NDUFA5: variants seen among roughly 807,000 people sequenced by gnomAD.
The protein encoded by NDUFA5 is NADH:ubiquinone oxidoreductase subunit A5.
Under a neutral mutation model 19.8 loss-of-function variants are expected in NDUFA5, and 11 were observed. The ratio of observed to expected loss-of-function variants is 0.56; its 90% CI spans 0.35 to 0.92. The LOEUF is 0.92. Ranked by LOEUF, NDUFA5 falls within the 40% of genes least tolerant of loss-of-function variation. NDUFA5 has a pLI of 0.01. For synonymous variants in NDUFA5, 47 were observed against 46.8 expected, an observed-to-expected ratio of 1.00 and a Z score of -0.01; for missense variants, 109 against 134.2, an observed-to-expected ratio of 0.81 and a Z score of 0.93.
At position 123,546,019 on chromosome 7, in the gene NDUFA5, T is replaced by C. The variant is rs148293527; in HGVS notation, c.184-343A>G. On this transcript the variant is annotated intron_variant, in intron 3 of 4. Transcript: ENST00000355749. Reference sequence around the variant, plus strand: ...CATTAGAATTAGAAATAAATGCTACTCTATGACCCAGAAATTACACTTCTA... The same window carrying C: ...CATTAGAATTAGAAATAAATGCTACCCTATGACCCAGAAATTACACTTCTA... Among the ~76,000 whole-genome samples, 569 of 152,202 alleles carry C rather than the reference T, an allele frequency of 3.7e-3. 8 individuals are homozygous for C. The highest frequency in any genetic ancestry group is 0.012 in the Admixed American group (183 of 15,274).
chr7:123,557,808 G>C lies in NDUFA5; in HGVS notation c.-13C>G. 1 of 1,614,004 alleles carries C rather than the reference G, an allele frequency of 6.2e-7. No homozygotes were observed. Among genetic ancestry groups the C allele is most frequent in the Non-Finnish European group, 8.5e-7 (1 of 1,180,018 alleles). ...GCACACCCGCCATGACAGCGCCAAC[G>C]ACTCGGTGACGCACAACCCTTTGGG... On this transcript the variant is annotated 5_prime_UTR_variant, in exon 1 of 5. Transcript: ENST00000355749.
the NDUFA5 span, among the ~76,000 whole-genome samples, chr7:123,588,257 G>A: frequency 1.3e-5 from 2 of 151,688 alleles, no homozygotes; most frequent in African/African-American, 2.4e-5. Flanking sequence ...TTCAGTCTTG[G>A]TAGGTTGTAG....
At chr7:123,557,950 T>G (rs1798627983), upstream of NDUFA5, 5 of 1,316,202 alleles carry the variant, frequency 3.8e-6, no homozygotes, top group African/African-American at 7.4e-5. Flanking sequence ...CCCGCCCATC[T>G]TAAAAGAGAA....
chr7:123,557,985 T>A, upstream of NDUFA5: 1 of 884,684 alleles, frequency 1.1e-6, no homozygotes, highest in Non-Finnish European at 1.7e-6. Context: ...GCGATGGGCA[T>A]ACAAGCCTAA....
intron 4 of NDUFA5, among the ~76,000 whole-genome samples, chr7:123,545,402 T>TA (rs1190900178): frequency 1.3e-5 from 2 of 152,232 alleles, no homozygotes; most frequent in East Asian, 3.9e-4. Context: ...TCCAGGCTTC[T>TA]AACAGAAGTC....
At chr7:123,589,036 T>C in the NDUFA5 span, among the ~76,000 whole-genome samples, 3 of 151,898 alleles carry the variant, frequency 2.0e-5, no homozygotes, top group African/African-American at 7.2e-5. Context: ...TGTATTCTTC[T>C]ATGTAATGTT....
chr7:123,586,490 T>A, the NDUFA5 span, among the ~76,000 whole-genome samples: 1 of 151,790 alleles, frequency 6.6e-6, no homozygotes, highest in Non-Finnish European at 1.5e-5. Context: ...TTTGTAAATA[T>A]TTTCTCCCTT....
chr7:123,594,031 A>G, the NDUFA5 span, among the ~76,000 whole-genome samples: 419 of 151,962 alleles, frequency 2.8e-3, 2 homozygotes, highest in Non-Finnish European at 4.3e-3. Context: ...CACTAATTTG[A>G]TCATCAATCA....
the NDUFA5 span, among the ~76,000 whole-genome samples, chr7:123,595,789 C>T: frequency 1.3e-5 from 2 of 152,104 alleles, no homozygotes; most frequent in Non-Finnish European, 2.9e-5. Flanking sequence ...CTATCATTTC[C>T]CACCCAAAGC....
At chr7:123,573,238 C>T in the NDUFA5 span, among the ~76,000 whole-genome samples, 3 of 150,700 alleles carry the variant, frequency 2.0e-5, no homozygotes, top group Non-Finnish European at 4.4e-5. Flanking sequence ...TATTTTATCA[C>T]CAAGCTTCCC....
chr7:123,560,969 GAAAT>G (rs886526778), upstream of NDUFA5, among the ~76,000 whole-genome samples: 6 of 152,036 alleles, frequency 3.9e-5, no homozygotes, highest in African/African-American at 1.2e-4. Context: ...GCATCAAAAA[GAAAT>G]AAATCTAACA....
At position 123,537,504 on chromosome 7, in the gene NDUFA5, A is replaced by G. The variant is rs565830782; in HGVS notation, c.*4615T>C. ...AAGACAGATGTGTTTGATATTCACA[A>G]TTTTTCAGATTTTTGAAAGGAAATA... On this transcript the variant is annotated 3_prime_UTR_variant, in exon 5 of 5. Coordinates refer to ENST00000355749, the MANE Select transcript of NDUFA5 (RefSeq NM_005000.5). 14 of 152,096 alleles carry G rather than the reference A, an allele frequency of 9.2e-5. No individual in the cohort carries two copies. Among genetic ancestry groups the G allele is most frequent in the Non-Finnish European group, 1.0e-4 (7 of 68,012 alleles). 9.4% of individuals were successfully genotyped at this position (152,096 alleles called of 1,614,324 possible). A position where few individuals can be genotyped will look rare whatever the true frequency, so the allele number is the denominator to read the frequency against.
intron 3 of NDUFA5, among the ~76,000 whole-genome samples, chr7:123,549,719 A>G (rs1247101028): frequency 1.3e-5 from 2 of 152,236 alleles, no homozygotes; most frequent in African/African-American, 4.8e-5. Context: ...TCAAGGCTGC[A>G]GTGAGCTGTG....
the NDUFA5 span, among the ~76,000 whole-genome samples, chr7:123,565,015 G>A: frequency 4.6e-5 from 7 of 151,800 alleles, no homozygotes; most frequent in Non-Finnish European, 1.0e-4. Flanking sequence ...TGCAATTACG[G>A]AAGTTGAAAA....
In NDUFA5 at chr7:123,540,810, C is replaced by G. The variant is rs1797901391; in HGVS notation, c.*1309G>C. The G allele has an allele frequency of 6.6e-6, 1 of 151,594 alleles. No homozygotes were observed. The highest frequency in any genetic ancestry group is 1.5e-5 in the Non-Finnish European group (1 of 67,966). 9.4% of individuals were successfully genotyped at this position (151,594 alleles called of 1,614,324 possible). A position where few individuals can be genotyped will look rare whatever the true frequency, so the allele number is the denominator to read the frequency against. ...TATTTATTTAGTATTCATGTTACAG[C>G]TCTATGAGGGGAGAAATATACTGGA... On this transcript the variant is annotated 3_prime_UTR_variant, in exon 5 of 5. Transcript: ENST00000355749.
intron 4 of NDUFA5, among the ~76,000 whole-genome samples, chr7:123,544,132 T>A (rs1798038394): frequency 6.6e-6 from 1 of 152,192 alleles, no homozygotes; most frequent in African/African-American, 2.4e-5. Flanking sequence ...TATCAGACAC[T>A]TATAAGATGA....
intron 1 of NDUFA5, 78 bp downstream of exon 1, chr7:123,557,697 C>T: frequency 6.2e-7 from 1 of 1,614,084 alleles, no homozygotes; most frequent in South Asian, 1.1e-5. Context: ...TAGGGGTCAA[C>T]ACCCGCGGGA....
the NDUFA5 span, among the ~76,000 whole-genome samples, chr7:123,590,602 G>C: frequency 1.3e-5 from 2 of 152,006 alleles, no homozygotes; most frequent in Admixed American, 6.6e-5. Flanking sequence ...TCTTGTTTTT[G>C]TCAGGTTTGT....
chr7:123,545,472 C>T (rs1435461591), intron 4 of NDUFA5, 139 bp downstream of exon 4: 2 of 659,706 alleles, frequency 3.0e-6, no homozygotes, highest in Middle Eastern at 2.9e-4. Context: ...ATGAGAAGCA[C>T]CACATTTTCT....
Sources: allele counts gnomAD v4.1 joint callset (sites outside exome capture counted in the v4.1 genomes callset), GRCh38; gene constraint gnomAD v4.1.1; transcripts MANE v1.5; gene names NCBI Gene and HGNC (gene_info 2026-07-23, HGNC 2026-07-21).